The following MUCL1 variants were observed in gnomAD, a reference collection of about 807,000 sequenced individuals.
MUCL1 encodes the protein mucin like 1.
Under a neutral mutation model 9.2 loss-of-function variants are expected in MUCL1, and 11 were observed. The observed-to-expected ratio is 1.19, with a 90% CI of 0.75 to 1.97. MUCL1 has a LOEUF of 1.97. Ranked by LOEUF, MUCL1 falls within the 30% of genes most tolerant of loss-of-function variation. The pLI is 0.00. For missense variants in MUCL1, 144 were observed against 110.9 expected (o/e 1.30, Z -1.34); for synonymous variants, 48 against 40.5 (o/e 1.19, Z -0.71).
At chr12:54,858,061 T>A in intron 3 of MUCL1, 132 bp from the exon 4 acceptor site, 1 of 1,076,614 alleles carries the variant, frequency 9.3e-7, no homozygotes, top group Non-Finnish European at 1.4e-6. Flanking sequence ...GTAATAACAA[T>A]CCCATGTTCC....
At chr12:54,836,835 T>G (rs1959193603), upstream of MUCL1, among the ~76,000 whole-genome samples, 1 of 152,216 alleles carries the variant, frequency 6.6e-6, no homozygotes, top group South Asian at 2.1e-4. Context: ...ATTTCATTGT[T>G]AACCTCAAAA....
intron 1 of MUCL1, among the ~76,000 whole-genome samples, chr12:54,842,014 CTTTG>C (rs1959214916): frequency 6.6e-6 from 1 of 151,990 alleles, no homozygotes; most frequent in African/African-American, 2.4e-5. Context: ...CTCTATGTGG[CTTTG>C]AATTTTAATA....
upstream of MUCL1, chr12:54,854,453 G>T (rs1029253314): frequency 2.0e-5 from 13 of 665,396 alleles, no homozygotes; most frequent in Non-Finnish European, 2.8e-5. Context: ...CCTGGATTCT[G>T]GTTGACAGCT....
upstream of MUCL1, among the ~76,000 whole-genome samples, chr12:54,854,042 A>G (rs1315450634): frequency 6.7e-6 from 1 of 149,892 alleles, no homozygotes; most frequent in Non-Finnish European, 1.5e-5. Context: ...TTCAGGAGGG[A>G]GGCCATGACT....
upstream of MUCL1, among the ~76,000 whole-genome samples, chr12:54,838,484 G>A (rs759094461): frequency 2.6e-5 from 4 of 152,134 alleles, no homozygotes; most frequent in Admixed American, 2.6e-4. Context: ...CTTTAGCAAG[G>A]CCAGGGAAGC....
chr12:54,839,592 G>C, intron 1 of MUCL1: 1 of 679,970 alleles, frequency 1.5e-6, no homozygotes, highest in East Asian at 2.7e-5. Flanking sequence ...GCAGGAAAAT[G>C]ATTTGCCTCC....
At chr12:54,855,586 G>T (rs1868292805) in intron 2 of MUCL1, 2 of 192,690 alleles carry the variant, frequency 1.0e-5, no homozygotes, top group Non-Finnish European at 1.1e-5. Flanking sequence ...AGGGTGGTGT[G>T]TGGGATGTGG....
At chr12:54,836,268 G>T (rs1959192935), upstream of MUCL1, among the ~76,000 whole-genome samples, 1 of 152,118 alleles carries the variant, frequency 6.6e-6, no homozygotes, top group African/African-American at 2.4e-5. Flanking sequence ...CAGTCTAATT[G>T]CTTGTTTGTT....
chr12:54,843,421 A>C (rs1441769427), intron 1 of MUCL1, among the ~76,000 whole-genome samples: 1 of 152,248 alleles, frequency 6.6e-6, no homozygotes, highest in Non-Finnish European at 1.5e-5. Flanking sequence ...GAAAGACAGA[A>C]TATTGGGGCC....
chr12:54,850,558 ATTG>A (rs1959322938), upstream of MUCL1, among the ~76,000 whole-genome samples: 2 of 151,984 alleles, frequency 1.3e-5, no homozygotes, highest in South Asian at 4.1e-4. Flanking sequence ...CCAGTCTATC[ATTG>A]TTGTACATTT....
chr12:54,834,949 C>A (rs906346000), upstream of MUCL1, among the ~76,000 whole-genome samples: 2 of 152,006 alleles, frequency 1.3e-5, no homozygotes, highest in African/African-American at 2.4e-5. Context: ...ACTCTGTATG[C>A]CTTTGCATAC....
At chr12:54,831,990 G>A (rs570869044) in intron 1 of MUCL1, among the ~76,000 whole-genome samples, 1 of 152,130 alleles carries the variant, frequency 6.6e-6, no homozygotes. Context: ...AGTTTTCAGG[G>A]AAAATAGGAT....
upstream of MUCL1, among the ~76,000 whole-genome samples, chr12:54,853,222 G>A (rs1414280847): frequency 1.3e-5 from 2 of 152,174 alleles, no homozygotes; most frequent in Non-Finnish European, 2.9e-5. Context: ...TTTAAAGCAA[G>A]GGAAATCTTT....
intron 2 of MUCL1, among the ~76,000 whole-genome samples, chr12:54,856,126 A>T (rs1868297477): frequency 6.6e-6 from 1 of 152,150 alleles, no homozygotes. Flanking sequence ...TTTTTTTACT[A>T]TCAGAAGTGT....
intron 2 of MUCL1, 198 bp downstream of exon 2, chr12:54,855,355 T>C (rs1482082731): frequency 1.7e-6 from 1 of 581,850 alleles, no homozygotes; most frequent in African/African-American, 1.9e-5. Context: ...ATTCTTAGAA[T>C]ATATGAAATC....
intron 1 of MUCL1, among the ~76,000 whole-genome samples, chr12:54,845,357 T>C (rs903703799): frequency 1.3e-5 from 2 of 152,124 alleles, no homozygotes; most frequent in Admixed American, 1.3e-4. Context: ...CACTCAAATT[T>C]GTCTCCCCGA....
chr12:54,857,106 A>G (rs1868306675), intron 3 of MUCL1, among the ~76,000 whole-genome samples: 1 of 152,082 alleles, frequency 6.6e-6, no homozygotes, highest in South Asian at 2.1e-4. Flanking sequence ...ACCTGAATGG[A>G]TCTTGAAATA....
chr12:54,848,772 CT>C (rs1266556180), intron 1 of MUCL1, among the ~76,000 whole-genome samples: 5 of 152,156 alleles, frequency 3.3e-5, no homozygotes, highest in Non-Finnish European at 7.4e-5. Flanking sequence ...ACCTTTACTA[CT>C]TGCAGAAATG....
At position 54,858,376 on chromosome 12, in the gene MUCL1, C is replaced by G. The variant is rs903434467; in HGVS notation, c.*134C>G. ...TTATTTTCTTTCAAATAAAAAATAA[C>G]TATGAGCAACATAAAAATGGTATTT... On this transcript the variant is annotated 3_prime_UTR_variant, in exon 4 of 4. Coordinates refer to ENST00000308796, the MANE Select transcript of MUCL1 (RefSeq NM_058173.3). 3 of 1,126,846 alleles carry G rather than the reference C, an allele frequency of 2.7e-6. No individual in the cohort carries two copies. The highest frequency in any genetic ancestry group is 3.1e-5 in the African/African-American group (2 of 64,292). 69.8% of individuals were successfully genotyped at this position (1,126,846 alleles called of 1,614,324 possible).
Sources: gnomAD v4.1 joint callset for allele counts (sites outside exome capture counted in the v4.1 genomes callset) on GRCh38, gnomAD v4.1.1 for gene constraint, MANE v1.5 for transcripts, NCBI Gene and HGNC (gene_info 2026-07-23, HGNC 2026-07-21) for gene names.